The following NBAS variants were observed in gnomAD, a reference collection of about 807,000 sequenced individuals.
The protein encoded by NBAS is NBAS subunit of NRZ tethering complex, also known as NAG/BC035112 fusion.
NBAS carries 219 observed loss-of-function variants against 302.5 expected under a neutral mutation model. The observed-to-expected ratio is 0.72, with a 90% CI of 0.65 to 0.81. The LOEUF is 0.81. Ranked by LOEUF, NBAS falls within the 30% of genes least tolerant of loss-of-function variation. The pLI is 0.00. For synonymous variants in NBAS, 1,118 were observed against 1,021.6 expected (o/e 1.09, Z -1.80); for missense variants, 2,932 against 2,841.6 (o/e 1.03, Z -0.72).
chr2:14,903,829 T>TC, the NBAS span, among the ~76,000 whole-genome samples: 1 of 151,526 alleles, frequency 6.6e-6, no homozygotes, highest in Non-Finnish European at 1.5e-5. Context: ...AGCATGCCTG[T>TC]CCCCCCCATC....
At chr2:15,504,336 T>A (rs2148636784) in intron 10 of NBAS, 123 bp from the exon 11 acceptor site, 2 of 851,520 alleles carry the variant, frequency 2.3e-6, no homozygotes, top group South Asian at 3.0e-5. Flanking sequence ...TTAAAGAAAA[T>A]CACCAAGAAG....
At chr2:14,908,952 C>T in the NBAS span, among the ~76,000 whole-genome samples, 1 of 152,276 alleles carries the variant, frequency 6.6e-6, no homozygotes, top group South Asian at 2.1e-4. Context: ...GCAGCCCACT[C>T]CCAGAGATTC....
At chr2:15,475,922 T>A in intron 13 of NBAS, 42 bp from the exon 14 acceptor site, 1 of 1,480,612 alleles carries the variant, frequency 6.8e-7, no homozygotes, top group Middle Eastern at 1.7e-4. Context: ...CATCTGCTAA[T>A]GTGGTTTAAA....
the NBAS span, among the ~76,000 whole-genome samples, chr2:14,902,536 G>A: frequency 6.6e-6 from 1 of 152,170 alleles, no homozygotes; most frequent in African/African-American, 2.4e-5. Flanking sequence ...TGTATATGTA[G>A]ACCCATGTGT....
At chr2:15,291,572 C>T (rs1670304695) in intron 41 of NBAS, among the ~76,000 whole-genome samples, 1 of 152,170 alleles carries the variant, frequency 6.6e-6, no homozygotes, top group Non-Finnish European at 1.5e-5. Context: ...GGGAATTCCA[C>T]ATTGAGAAAC....
the NBAS span, among the ~76,000 whole-genome samples, chr2:15,044,602 A>G: frequency 3.9e-4 from 60 of 152,264 alleles, 1 homozygote; most frequent in Non-Finnish European, 1.5e-5. Context: ...TTGAAACTCC[A>G]AAGTCTTTGA....
chr2:15,505,974 T>C (rs1001504184), intron 10 of NBAS, among the ~76,000 whole-genome samples: 1 of 151,414 alleles, frequency 6.6e-6, no homozygotes, highest in Non-Finnish European at 1.5e-5. Flanking sequence ...GAAAATTATC[T>C]AAAAAATAAA....
chr2:15,455,357 T>C (rs1357013152), intron 21 of NBAS, among the ~76,000 whole-genome samples: 2 of 152,148 alleles, frequency 1.3e-5, no homozygotes, highest in Non-Finnish European at 2.9e-5. Flanking sequence ...TGTCACATTA[T>C]AGCAGAACGG....
intron 11 of NBAS, among the ~76,000 whole-genome samples, chr2:15,500,539 C>CAA (rs34627628): frequency 6.9e-6 from 1 of 144,632 alleles, no homozygotes; most frequent in East Asian, 2.0e-4. Context: ...CACACACACA[C>CAA]AAAATTAGAA....
intron 11 of NBAS, among the ~76,000 whole-genome samples, chr2:15,491,769 C>T (rs1023879150): frequency 1.3e-5 from 2 of 151,710 alleles, no homozygotes; most frequent in Non-Finnish European, 2.9e-5. Context: ...AAGAAAAATA[C>T]ACAGGTTTAC....
intron 40 of NBAS, among the ~76,000 whole-genome samples, chr2:15,301,622 G>A (rs1383743841): frequency 1.3e-5 from 2 of 152,162 alleles, no homozygotes; most frequent in Non-Finnish European, 2.9e-5. Flanking sequence ...AAGCCAGAAG[G>A]CTCAGCAAGG....
In NBAS at chr2:15,395,418, T is replaced by C. The variant is rs1035953514; in HGVS notation, c.3134+995A>G. ...GGGATGGCAGGCACAAGCCAACCTA[T>C]AATAGGAAAAGCTGATTTTGTAAAC... On this transcript the variant is annotated intron_variant, in intron 27 of 51. Transcript: ENST00000281513. 2.6e-5 allele frequency among the ~76,000 whole-genome samples: 4 copies of C among 152,074 alleles called. No homozygotes were observed. The East Asian group carries it at 5.8e-4, about 22-fold the overall frequency.
chr2:14,805,389 A>G, the NBAS span, among the ~76,000 whole-genome samples: 1 of 152,180 alleles, frequency 6.6e-6, no homozygotes, highest in South Asian at 2.1e-4. Context: ...AACCGGCAAG[A>G]TCATGCGAGG....
chr2:15,283,696 A>G (rs1669919870), intron 42 of NBAS, among the ~76,000 whole-genome samples: 2 of 152,132 alleles, frequency 1.3e-5, no homozygotes, highest in African/African-American at 4.8e-5. Context: ...AGAGCCACTC[A>G]GTTATACATT....
the NBAS span, among the ~76,000 whole-genome samples, chr2:15,002,886 C>T: frequency 0.37 from 56,559 of 152,020 alleles, 11,228 homozygotes; most frequent in Non-Finnish European, 0.41. Flanking sequence ...ACAAGCGCCA[C>T]GCGCAGCCCC....
intron 11 of NBAS, among the ~76,000 whole-genome samples, chr2:15,502,520 C>T (rs367707194): frequency 1.3e-5 from 2 of 152,202 alleles, no homozygotes; most frequent in East Asian, 3.8e-4. Flanking sequence ...GGGCCATGAA[C>T]CTGCTCAGCA....
At position 15,330,562 on chromosome 2, in the gene NBAS, T is replaced by C. The variant is rs147741894; in HGVS notation, c.4347+36A>G. 5.3e-4 allele frequency: 858 copies of C among 1,611,738 alleles called. 3 individuals are homozygous for C. The African/African-American group carries it at 9.3e-3, about 17-fold the overall frequency. On this transcript the variant is annotated intron_variant, in intron 36 of 51. Transcript: ENST00000281513. ...ATTGCTAATGAATTTATATAAACCA[T>C]GCAGTTGATTTTAAAAAGAAAGATG...
At chr2:14,883,193 G>A in the NBAS span, among the ~76,000 whole-genome samples, 2 of 152,182 alleles carry the variant, frequency 1.3e-5, no homozygotes, top group African/African-American at 2.4e-5. Context: ...GCTTCAAGGT[G>A]TGCATATGTG....
At chr2:15,532,078 GAATA>G (rs1663243862) in intron 9 of NBAS, among the ~76,000 whole-genome samples, 1 of 152,000 alleles carries the variant, frequency 6.6e-6, no homozygotes, top group Admixed American at 6.6e-5. Context: ...ATGAATAAAT[GAATA>G]AATAAAAATG....
Sources: allele counts gnomAD v4.1 joint callset (sites outside exome capture counted in the v4.1 genomes callset), GRCh38; gene constraint gnomAD v4.1.1; transcripts MANE v1.5; gene names NCBI Gene and HGNC (gene_info 2026-07-23, HGNC 2026-07-21).